The following MYRIP variants were observed in gnomAD, a reference collection of about 807,000 sequenced individuals.
The protein encoded by MYRIP is myosin VIIA and Rab interacting protein, also known as rab effector MyRIP.
MYRIP carries 49 observed loss-of-function variants against 98.0 expected under a neutral mutation model. The ratio of observed to expected loss-of-function variants is 0.50; its 90% confidence interval spans 0.40 to 0.63. The LOEUF is 0.63. MYRIP is among the 30% of genes least tolerant of loss of function. The probability of loss-of-function intolerance (pLI) is 0.00; values close to 1 mark genes in which losing one functional copy is unlikely to be tolerated. For missense variants in MYRIP, 1,004 were observed against 1,058.2 expected, an observed-to-expected ratio of 0.95 and a Z score of 0.71; for synonymous variants, 404 against 409.5, an observed-to-expected ratio of 0.99 and a Z score of 0.16.
chr3:40,231,377 A>G (rs1575661792), intron 11 of MYRIP, among the ~76,000 whole-genome samples: 1 of 152,332 alleles, frequency 6.6e-6, no homozygotes, highest in East Asian at 1.9e-4. Context: ...TCACTGCTTT[A>G]TCCCAGCACC....
At chr3:39,894,621 CT>C (rs1422454369) in intron 1 of MYRIP, among the ~76,000 whole-genome samples, 1 of 151,922 alleles carries the variant, frequency 6.6e-6, no homozygotes, top group East Asian at 2.0e-4. Context: ...TTTCCTCTGA[CT>C]TTTTACCTTA....
At chr3:39,996,985 C>T (rs1320891752) in intron 2 of MYRIP, among the ~76,000 whole-genome samples, 2 of 152,090 alleles carry the variant, frequency 1.3e-5, no homozygotes, top group Non-Finnish European at 2.9e-5. Flanking sequence ...TTGAAACCAA[C>T]AAGAACAAAG....
chr3:40,158,346 C>T (rs2125584539), intron 4 of MYRIP, among the ~76,000 whole-genome samples: 1 of 152,272 alleles, frequency 6.6e-6, no homozygotes, highest in Middle Eastern at 3.4e-3. Flanking sequence ...TTTGATTGCG[C>T]TGTGGTCTGA....
intron 8 of MYRIP, among the ~76,000 whole-genome samples, chr3:40,171,228 C>G (rs528707793): frequency 6.6e-6 from 1 of 151,752 alleles, no homozygotes; most frequent in African/African-American, 2.4e-5. Flanking sequence ...GGAGGGGACA[C>G]GGGTAAGGCT....
chr3:39,983,883 C>T (rs1945955655), intron 2 of MYRIP, among the ~76,000 whole-genome samples: 1 of 152,260 alleles, frequency 6.6e-6, no homozygotes. Flanking sequence ...AATAATACCC[C>T]CTGTTATTAT....
intron 2 of MYRIP, among the ~76,000 whole-genome samples, chr3:39,994,957 A>G (rs1266901915): frequency 6.6e-6 from 1 of 152,234 alleles, no homozygotes; most frequent in African/African-American, 2.4e-5. Flanking sequence ...GCAAACTCCA[A>G]CAGACCTGCA....
chr3:39,838,439 AG>A (rs1941690658), intron 1 of MYRIP, among the ~76,000 whole-genome samples: 1 of 152,252 alleles, frequency 6.6e-6, no homozygotes, highest in Non-Finnish European at 1.5e-5. Flanking sequence ...ATTTTATTGA[AG>A]GCCTTTTCTG....
At chr3:40,084,136 C>CAAAAAAAAAA (rs753167019) in intron 3 of MYRIP, among the ~76,000 whole-genome samples, 3 of 55,056 alleles carry the variant, frequency 5.4e-5, no homozygotes, top group African/African-American at 2.4e-4. Flanking sequence ...GACTCCATCT[C>CAAAAAAAAAA]AAAAAAAAAA....
chr3:39,856,872 C>T (rs533184186), intron 1 of MYRIP, among the ~76,000 whole-genome samples: 64 of 152,190 alleles, frequency 4.2e-4, no homozygotes, highest in Middle Eastern at 6.8e-3. Flanking sequence ...ATCAAGGAAA[C>T]GCGGCAAGCA....
intron 12 of MYRIP, among the ~76,000 whole-genome samples, chr3:40,241,611 ACT>A (rs996694879): frequency 6.6e-5 from 10 of 152,034 alleles, no homozygotes; most frequent in African/African-American, 2.4e-4. Flanking sequence ...TCTGTTTAAC[ACT>A]CTTTATTCTA....
chr3:40,200,205 A>G (rs1951517187), intron 10 of MYRIP, among the ~76,000 whole-genome samples: 2 of 151,178 alleles, frequency 1.3e-5, no homozygotes, highest in South Asian at 4.3e-4. Context: ...CCTGGGCCAC[A>G]GTGGAAGAAG....
intron 2 of MYRIP, among the ~76,000 whole-genome samples, chr3:40,000,107 C>T (rs1946480087): frequency 6.6e-6 from 1 of 151,810 alleles, no homozygotes; most frequent in Non-Finnish European, 1.5e-5. Context: ...AGCACACCAA[C>T]ATGGCACATG....
intron 2 of MYRIP, among the ~76,000 whole-genome samples, chr3:39,933,460 C>A (rs187410501): frequency 4.6e-5 from 7 of 152,216 alleles, no homozygotes; most frequent in Admixed American, 3.9e-4. Flanking sequence ...TGCTTTCATA[C>A]GTCCTTGTCA....
In MYRIP at chr3:40,259,088, A is replaced by G. The variant is rs972293374; in HGVS notation, c.*922A>G. 6.6e-6 allele frequency: 1 copy of G among 152,220 alleles called. No individual in the cohort carries two copies. Among genetic ancestry groups the G allele is most frequent in the Non-Finnish European group, 1.5e-5 (1 of 68,034 alleles). 9.4% of individuals were successfully genotyped at this position (152,220 alleles called of 1,614,324 possible). A position where few individuals can be genotyped will look rare whatever the true frequency, so the allele number is the denominator to read the frequency against. On this transcript the variant is annotated 3_prime_UTR_variant, in exon 17 of 17. Coordinates refer to ENST00000302541, the MANE Select transcript of MYRIP (RefSeq NM_015460.4). Reference sequence around the variant, plus strand: ...TTTTTGTACTCCAAATTTACTTCCCAATAAATATTCAGCAAAGTAGTAAAA... The same window carrying G: ...TTTTTGTACTCCAAATTTACTTCCCGATAAATATTCAGCAAAGTAGTAAAA...
intron 11 of MYRIP, among the ~76,000 whole-genome samples, chr3:40,218,118 C>A (rs757983331): frequency 3.6e-4 from 54 of 152,028 alleles, no homozygotes; most frequent in Non-Finnish European, 6.3e-4. Context: ...GCATATAACC[C>A]AACAATTCTA....
At chr3:40,121,717 G>A (rs1949409504) in intron 3 of MYRIP, among the ~76,000 whole-genome samples, 1 of 152,048 alleles carries the variant, frequency 6.6e-6, no homozygotes, top group African/African-American at 2.4e-5. Flanking sequence ...CACTCCCCTG[G>A]CGTACCAAAA....
At chr3:39,925,193 A>G (rs927898747) in intron 2 of MYRIP, among the ~76,000 whole-genome samples, 36 of 151,700 alleles carry the variant, frequency 2.4e-4, no homozygotes, top group African/African-American at 8.5e-4. Flanking sequence ...TAAAAAATAA[A>G]TCTTCAGCAA....
intron 2 of MYRIP, among the ~76,000 whole-genome samples, chr3:39,945,024 C>G (rs532259294): frequency 6.6e-6 from 1 of 152,042 alleles, no homozygotes; most frequent in East Asian, 1.9e-4. Context: ...AAGATCTTGA[C>G]TGGGAGATCT....
chr3:40,236,846 G>GTT (rs35937845), intron 12 of MYRIP, among the ~76,000 whole-genome samples: 13 of 147,408 alleles, frequency 8.8e-5, no homozygotes, highest in African/African-American at 2.5e-4. Context: ...ATTGGAGAGT[G>GTT]TTTTTTTTTT....
Sources: allele counts gnomAD v4.1 joint callset (sites outside exome capture counted in the v4.1 genomes callset), GRCh38; gene constraint gnomAD v4.1.1; transcripts MANE v1.5; gene names NCBI Gene and HGNC (gene_info 2026-07-23, HGNC 2026-07-21).